SCLT1: variants seen among roughly 807,000 people sequenced by gnomAD.
SCLT1 encodes sodium channel and clathrin linker 1, also known as sodium channel-associated protein 1.
In SCLT1, 78 loss-of-function variants were observed where a neutral mutation model predicts 112.8. The ratio of observed to expected loss-of-function variants is 0.69; its 90% CI spans 0.58 to 0.83. SCLT1 has a LOEUF of 0.83. Among genes scored for constraint, SCLT1 ranks in the 40% least tolerant of loss-of-function variants. The pLI is 0.00. For synonymous variants in SCLT1, 257 were observed against 254.7 expected (o/e 1.01, Z -0.09); for missense variants, 747 against 770.4 (o/e 0.97, Z 0.36).
chr4:128,899,648 C>T (rs2125933063), intron 18 of SCLT1, among the ~76,000 whole-genome samples: 1 of 152,288 alleles, frequency 6.6e-6, no homozygotes. Context: ...CACTCCTATT[C>T]AACATAGTGT....
intron 5 of SCLT1, among the ~76,000 whole-genome samples, chr4:129,032,456 A>C (rs1342821453): frequency 1.3e-5 from 2 of 152,186 alleles, no homozygotes; most frequent in African/African-American, 4.8e-5. Flanking sequence ...AAAACACCAA[A>C]AGCAATTGCA....
At chr4:129,029,573 T>C (rs1237269209) in intron 5 of SCLT1, among the ~76,000 whole-genome samples, 2 of 151,690 alleles carry the variant, frequency 1.3e-5, no homozygotes, top group Non-Finnish European at 2.9e-5. Flanking sequence ...ATATACCTAA[T>C]GCTAAATGAC....
At chr4:128,929,946 T>C (rs1736623903) in intron 18 of SCLT1, among the ~76,000 whole-genome samples, 1 of 152,150 alleles carries the variant, frequency 6.6e-6, no homozygotes, top group African/African-American at 2.4e-5. Flanking sequence ...GGAATTTACA[T>C]GCAAAGATGA....
intron 18 of SCLT1, among the ~76,000 whole-genome samples, chr4:128,930,024 T>C (rs894495565): frequency 6.6e-6 from 1 of 152,170 alleles, no homozygotes; most frequent in Non-Finnish European, 1.5e-5. Context: ...ACGGTGGTTA[T>C]AAAATATGTC....
intron 18 of SCLT1, among the ~76,000 whole-genome samples, chr4:128,892,332 T>C (rs937297296): frequency 3.9e-5 from 6 of 152,230 alleles, no homozygotes; most frequent in African/African-American, 1.4e-4. Flanking sequence ...CACATCACAC[T>C]GTGTGTGAAC....
chr4:129,053,604 T>C, intron 2 of SCLT1, among the ~76,000 whole-genome samples: 1 of 138,592 alleles, frequency 7.2e-6, no homozygotes, highest in Non-Finnish European at 1.5e-5. Context: ...TTCCATTTGC[T>C]TGGTAAATAT....
chr4:129,007,047 A>G (rs11944075), intron 5 of SCLT1, among the ~76,000 whole-genome samples: 2,755 of 152,306 alleles, frequency 0.018, 71 homozygotes, highest in African/African-American at 0.055. Context: ...GAAAAAGCTG[A>G]GGATTTTCTA....
chr4:128,965,123 G>T, intron 11 of SCLT1, 104 bp downstream of exon 11: 2 of 619,546 alleles, frequency 3.2e-6, no homozygotes, highest in South Asian at 2.2e-5. Context: ...GTTTTGATTT[G>T]GAGTTTATAA....
At chr4:129,058,505 T>C (rs1331435378) in intron 2 of SCLT1, among the ~76,000 whole-genome samples, 1 of 152,212 alleles carries the variant, frequency 6.6e-6, no homozygotes, top group Non-Finnish European at 1.5e-5. Flanking sequence ...TTAATTTCCA[T>C]GTATATGTAC....
intron 11 of SCLT1, among the ~76,000 whole-genome samples, chr4:128,964,109 G>A (rs977919509): frequency 3.3e-5 from 5 of 152,142 alleles, no homozygotes; most frequent in African/African-American, 1.2e-4. Context: ...TTTTAAAAAA[G>A]TACTGCATGG....
At chr4:128,983,576 AGTT>A (rs1741852650) in intron 9 of SCLT1, among the ~76,000 whole-genome samples, 1 of 152,196 alleles carries the variant, frequency 6.6e-6, no homozygotes, top group Admixed American at 6.5e-5. Flanking sequence ...AGTTACCAAA[AGTT>A]GTTCTGCGGG....
intron 2 of SCLT1, among the ~76,000 whole-genome samples, chr4:129,074,523 G>A (rs1283753078): frequency 6.6e-6 from 1 of 151,984 alleles, no homozygotes; most frequent in Non-Finnish European, 1.5e-5. Context: ...AACTCGAGCA[G>A]TAATAGAAAA....
exon 5 of SCLT1, chr4:128,874,424 C>T (rs1732419078): frequency 6.6e-6 from 1 of 152,126 alleles, no homozygotes; most frequent in Non-Finnish European, 1.5e-5. Context: ...CCTGTTTTTT[C>T]CCCACATTTA....
chr4:128,943,734 G>T (rs73850060), intron 16 of SCLT1, among the ~76,000 whole-genome samples: 1 of 151,944 alleles, frequency 6.6e-6, no homozygotes, highest in African/African-American at 2.4e-5. Flanking sequence ...TCTCAACAAT[G>T]GACCACTGAT....
At chr4:128,968,963 T>C (rs1312352275) in intron 10 of SCLT1, among the ~76,000 whole-genome samples, 1 of 152,194 alleles carries the variant, frequency 6.6e-6, no homozygotes, top group Non-Finnish European at 1.5e-5. Flanking sequence ...CTTTCCAGCT[T>C]TGGGCTTTGT....
In SCLT1 at chr4:129,049,119, C is replaced by T. The variant is rs1278121183; in HGVS notation, c.103-5068G>A. ...TAGAAATACCATTTGACCCAGCCAT[C>T]GCATTACTGGGTATATACCCAAAGG... On this transcript the variant is annotated intron_variant, in intron 2 of 20. Coordinates refer to ENST00000281142, the MANE Select transcript of SCLT1 (RefSeq NM_144643.4). Among the ~76,000 whole-genome samples the T allele has an allele frequency of 9.2e-5, 14 of 152,052 alleles. No individual in the cohort carries two copies. The East Asian group carries it at 9.7e-4, about 11-fold the overall frequency.
chr4:129,034,996 G>C (rs532667350), intron 5 of SCLT1, among the ~76,000 whole-genome samples: 33 of 152,086 alleles, frequency 2.2e-4, no homozygotes, highest in African/African-American at 7.7e-4. Context: ...AGTGAGAATA[G>C]TCATTTCTGT....
downstream of SCLT1, among the ~76,000 whole-genome samples, chr4:128,879,269 G>A (rs1244754410): frequency 6.6e-6 from 1 of 152,142 alleles, no homozygotes; most frequent in Non-Finnish European, 1.5e-5. Flanking sequence ...GTGGACACTG[G>A]TAAGATGATG....
At chr4:128,954,588 C>T (rs1046506654) in intron 13 of SCLT1, among the ~76,000 whole-genome samples, 2 of 152,164 alleles carry the variant, frequency 1.3e-5, no homozygotes, top group African/African-American at 2.4e-5. Context: ...GCTGGGATTA[C>T]AGGCGTGAGC....
Sources: gnomAD v4.1 joint callset for allele counts (sites outside exome capture counted in the v4.1 genomes callset) on GRCh38, gnomAD v4.1.1 for gene constraint, MANE v1.5 for transcripts, NCBI Gene and HGNC (gene_info 2026-07-23, HGNC 2026-07-21) for gene names.